EHMT1: variants seen among roughly 807,000 people sequenced by gnomAD.
EHMT1 encodes histone-lysine N-methyltransferase EHMT1.
In EHMT1, 15 loss-of-function variants were observed where a neutral mutation model predicts 147.2. The observed-to-expected ratio is 0.10, with a 90% confidence interval of 0.07 to 0.16. The LOEUF (loss-of-function observed/expected upper bound fraction) is 0.16. Ranked by LOEUF, EHMT1 falls within the 10% of genes least tolerant of loss-of-function variation. The probability of loss-of-function intolerance (pLI) is 1.00; values close to 1 mark genes in which losing one functional copy is unlikely to be tolerated. For synonymous variants in EHMT1, 795 were observed against 709.6 expected (o/e 1.12, Z -1.91); for missense variants, 1,587 against 1,772.4 (o/e 0.90, Z 1.88).
At chr9:137,671,733 G>T (rs573724944) in intron 1 of EHMT1, among the ~76,000 whole-genome samples, 2 of 151,986 alleles carry the variant, frequency 1.3e-5, no homozygotes, top group South Asian at 2.1e-4. Context: ...TTGCCGTGTT[G>T]CCCAGGCTGA....
chr9:137,798,215 T>A lies in EHMT1; in HGVS notation c.2506-598T>A, dbSNP rs1953124352. On this transcript the variant is annotated intron_variant, in intron 16 of 26. Transcript: ENST00000460843. ...AGGAGTTCAAAAACAGCCTAGGCAGTGTAGCAAGACCCTGTCTCTAGGAAA... is the reference window on the plus strand; with the variant it reads ...AGGAGTTCAAAAACAGCCTAGGCAGAGTAGCAAGACCCTGTCTCTAGGAAA... Among the ~76,000 whole-genome samples, 3 of 151,956 alleles carry A rather than the reference T, an allele frequency of 2.0e-5. No homozygotes were observed. In the South Asian group the frequency reaches 6.2e-4, roughly 32 times the overall value.
At chr9:137,758,102 G>A (rs1031611304) in intron 9 of EHMT1, 91 bp downstream of exon 9, 2 of 1,553,284 alleles carry the variant, frequency 1.3e-6, no homozygotes, top group Non-Finnish European at 1.8e-6. Context: ...GCCCCTTGGT[G>A]GACACTAGTA....
Position 137,816,192 on chromosome 9 carries a change from G to A in EHMT1, c.3374+130G>A, listed in dbSNP as rs536539406. ...CACATGTGTGTTTGCAGATAGAGCC[G>A]ACAAGTTACCTGAGCCCTTTATCCT... On this transcript the variant is annotated intron_variant, in intron 23 of 26. Transcript: ENST00000460843. 43 of 822,634 alleles carry A rather than the reference G, an allele frequency of 5.2e-5. 1 individual carries two copies. The Admixed American group carries it at 7.6e-4, about 15-fold the overall frequency. The allele number at this position is 822,634 out of a possible 1,614,324, so 51.0% of individuals were successfully genotyped here.
chr9:137,805,925 T>C (rs1488966106), intron 18 of EHMT1, among the ~76,000 whole-genome samples: 2 of 151,898 alleles, frequency 1.3e-5, no homozygotes, highest in Admixed American at 1.3e-4. Context: ...CCTCCCATAG[T>C]GCTGGGATTA....
chr9:137,811,841 GA>G (rs1954512574), intron 19 of EHMT1, among the ~76,000 whole-genome samples: 1 of 152,214 alleles, frequency 6.6e-6, no homozygotes, highest in African/African-American at 2.4e-5. Context: ...GGATTGTCAT[GA>G]AAAAATTCCC....
At chr9:137,660,938 TCTAATACTTTGTA>T (rs1939011774) in intron 1 of EHMT1, among the ~76,000 whole-genome samples, 1 of 152,210 alleles carries the variant, frequency 6.6e-6, no homozygotes, top group African/African-American at 2.4e-5. Flanking sequence ...TACTATTATT[TCTAATACTTTGTA>T]GAACATATAA....
intron 13 of EHMT1, among the ~76,000 whole-genome samples, chr9:137,778,604 C>T (rs1434516064): frequency 5.9e-5 from 9 of 152,194 alleles, no homozygotes; most frequent in Non-Finnish European, 4.4e-5. Flanking sequence ...GCTCTTGAAG[C>T]GACGGTACCA....
chr9:137,643,332 T>TA (rs1844631120), intron 1 of EHMT1, among the ~76,000 whole-genome samples: 1 of 147,216 alleles, frequency 6.8e-6, no homozygotes, highest in South Asian at 2.2e-4. Flanking sequence ...GTTTTGTGTA[T>TA]AAAGGTTTTT....
chr9:137,743,862 A>G (rs920477206), intron 5 of EHMT1, 40 bp from the exon 6 acceptor site: 2 of 1,581,678 alleles, frequency 1.3e-6, no homozygotes, highest in Admixed American at 1.8e-5. Context: ...CATGATGCGC[A>G]CTGATCCTGC....
intron 25 of EHMT1, among the ~76,000 whole-genome samples, chr9:137,827,947 G>T (rs945517662): frequency 2.0e-5 from 3 of 152,188 alleles, no homozygotes; most frequent in Non-Finnish European, 4.4e-5. Context: ...AGGGTTCTGG[G>T]ATCTGAAGCC....
intron 1 of EHMT1, among the ~76,000 whole-genome samples, chr9:137,662,443 T>C (rs1420688800): frequency 6.6e-6 from 1 of 152,056 alleles, no homozygotes; most frequent in African/African-American, 2.4e-5. Context: ...AGTGATCTGC[T>C]TACCATGGCC....
chr9:137,700,130 A>C (rs1211070623), intron 1 of EHMT1, among the ~76,000 whole-genome samples: 1 of 152,242 alleles, frequency 6.6e-6, no homozygotes, highest in Non-Finnish European at 1.5e-5. Context: ...ATAGCTACAC[A>C]CCAGTATTTA....
chr9:137,697,693 G>T (rs1436889961), intron 1 of EHMT1, among the ~76,000 whole-genome samples: 2 of 152,104 alleles, frequency 1.3e-5, no homozygotes. Flanking sequence ...TTTTATTCTT[G>T]CATCCTTGTA....
intron 18 of EHMT1, 85 bp downstream of exon 18, chr9:137,801,069 A>G: frequency 7.9e-7 from 1 of 1,260,968 alleles, no homozygotes; most frequent in Non-Finnish European, 1.1e-6. Flanking sequence ...TCAAAAGCAG[A>G]ACCCTGGCAC....
In EHMT1 at chr9:137,728,370, A is replaced by G; in HGVS notation, c.664A>G (p.Arg222Gly). The change falls in exon 4 of 27, where the codon AGA becomes GGA. Residue 222 changes from arginine to glycine, a missense_variant. By Grantham distance (125) the Arg-to-Gly change is moderately radical (BLOSUM62 -2). Transcript: ENST00000460843. ...VGLHAASKDP[R>G]EVREARDHKE... ...GAAGCATGCAGCCAGTAAAGATCCCAGAGAAGTTCGAGAAGCTAGAGATCA... is the reference window on the plus strand; with the variant it reads ...GAAGCATGCAGCCAGTAAAGATCCCGGAGAAGTTCGAGAAGCTAGAGATCA... The G allele has an allele frequency of 6.2e-7, 1 of 1,614,266 alleles. No individual in the cohort carries two copies. The highest frequency in any genetic ancestry group is 1.1e-5 in the South Asian group (1 of 91,080).
chr9:137,833,816 A>C (rs560454397), intron 25 of EHMT1, among the ~76,000 whole-genome samples: 1 of 152,346 alleles, frequency 6.6e-6, no homozygotes, highest in African/African-American at 2.4e-5. Context: ...TTCTGTGGGC[A>C]GCCTCCGCCT....
intron 9 of EHMT1, among the ~76,000 whole-genome samples, chr9:137,760,005 C>T (rs552612079): frequency 1.3e-5 from 2 of 152,332 alleles, no homozygotes; most frequent in South Asian, 2.1e-4. Flanking sequence ...GCATTCGTCT[C>T]TTTCCCCGTT....
At chr9:137,659,810 C>T (rs1438309377) in intron 1 of EHMT1, among the ~76,000 whole-genome samples, 1 of 152,038 alleles carries the variant, frequency 6.6e-6, no homozygotes, top group Admixed American at 6.6e-5. Context: ...CTCGTGGGCT[C>T]AAGTGATCCG....
rs748545367 is a variant in EHMT1 at position 137,777,923 on chromosome 9, G to T, written c.2060G>T (p.Gly687Val). The T allele has an allele frequency of 6.2e-7, 1 of 1,613,760 alleles. No homozygotes were observed. The highest frequency in any genetic ancestry group is 1.7e-5 in the Admixed American group (1 of 60,020). ...PPLSEDDKLQ[G>V]AASHVPEGFD... is the part of the protein sequence containing the mutation. ...CTCTCGGAGGACGACAAGCTGCAGG[G>T]TGCAGCCTCCCACGTGCCCGAGGGC... The change falls in exon 13 of 27, where the codon GGT becomes GTT. Residue 687 changes from glycine to valine, a missense_variant. By Grantham distance (109) the Gly-to-Val change is moderately radical (BLOSUM62 -3). Transcript: ENST00000460843.
Sources: gnomAD v4.1 joint callset for allele counts (sites outside exome capture counted in the v4.1 genomes callset) on GRCh38, gnomAD v4.1.1 for gene constraint, MANE v1.5 for transcripts, NCBI Gene and HGNC (gene_info 2026-07-23, HGNC 2026-07-21) for gene names.